PTCD3: variants seen among roughly 807,000 people sequenced by gnomAD.
PTCD3 encodes pentatricopeptide repeat domain 3.
A neutral mutation model predicts 101.9 loss-of-function variants in PTCD3; 89 were observed. That is an observed-to-expected ratio of 0.87 (90% confidence interval 0.74 to 1.04). The LOEUF (loss-of-function observed/expected upper bound fraction) is 1.04, where lower values mean the gene tolerates loss of function less well. Ranked by LOEUF, PTCD3 falls within the 50% of genes least tolerant of loss-of-function variation. The pLI is 0.00. For synonymous variants in PTCD3, 296 were observed against 278.5 expected (o/e 1.06, Z -0.63); for missense variants, 870 against 828.2 (o/e 1.05, Z -0.62).
intron 6 of PTCD3, among the ~76,000 whole-genome samples, chr2:86,117,992 G>T (rs1019150545): frequency 6.6e-6 from 1 of 152,132 alleles, no homozygotes; most frequent in Non-Finnish European, 1.5e-5. Flanking sequence ...GGCCAGGCTG[G>T]TCTTGAACTC....
At chr2:86,133,873 T>C (rs138745846) in intron 19 of PTCD3, among the ~76,000 whole-genome samples, 2 of 152,348 alleles carry the variant, frequency 1.3e-5, no homozygotes, top group East Asian at 3.9e-4. Flanking sequence ...GTGTGTGTCT[T>C]ATGTGTATAA....
chr2:86,107,893 A>G (rs1573845075), intron 1 of PTCD3, among the ~76,000 whole-genome samples: 1 of 152,184 alleles, frequency 6.6e-6, no homozygotes, highest in African/African-American at 2.4e-5. Flanking sequence ...CTTCATTTCA[A>G]ACCAGATTGT....
chr2:86,123,807 T>C (rs368572851), intron 9 of PTCD3, 45 bp downstream of exon 9: 30 of 1,332,678 alleles, frequency 2.3e-5, no homozygotes, highest in South Asian at 5.7e-5. Flanking sequence ...TGTCTTACAG[T>C]GCATGGAATA....
At chr2:86,128,295 T>C (rs1285155783) in intron 14 of PTCD3, among the ~76,000 whole-genome samples, 1 of 147,522 alleles carries the variant, frequency 6.8e-6, no homozygotes, top group Non-Finnish European at 1.5e-5. Context: ...AGGGTCTTAC[T>C]ACCTAAAATT....
chr2:86,112,219 G>T (rs1443614593), intron 4 of PTCD3: 1 of 150,954 alleles, frequency 6.6e-6, no homozygotes, highest in African/African-American at 2.4e-5. Flanking sequence ...GCCACGCCTG[G>T]CTATTTTTTT....
At position 86,125,033 on chromosome 2, in the gene PTCD3, C is replaced by T. The variant is rs369862583; in HGVS notation, c.755C>T (p.Pro252Leu). The T allele has an allele frequency of 6.2e-6, 10 of 1,613,956 alleles. No homozygotes were observed. Among genetic ancestry groups the T allele is most frequent in the Non-Finnish European group, 8.5e-6 (10 of 1,179,998 alleles). The change falls in exon 10 of 24, where the codon CCA (proline) becomes CTA (leucine). Residue 252 changes from proline to leucine, a missense_variant. Coordinates refer to ENST00000254630, the MANE Select transcript of PTCD3 (RefSeq NM_017952.6). ...NNAERIFSLM[P>L]EKNEHSYCTM... ...GCTGAGAGAATCTTTTCTCTAATGCCAGAGAAAAATGAACATTCCTATTGC... is the reference window on the plus strand; with the variant it reads ...GCTGAGAGAATCTTTTCTCTAATGCTAGAGAAAAATGAACATTCCTATTGC...
chr2:86,125,334 C>A, intron 10 of PTCD3, 121 bp from the exon 11 acceptor site: 1 of 1,168,028 alleles, frequency 8.6e-7, no homozygotes, highest in Non-Finnish European at 1.3e-6. Context: ...AGAGTATGAG[C>A]TTCATGAGAA....
At chr2:86,115,968 TAC>T (rs1240006284) in intron 4 of PTCD3, among the ~76,000 whole-genome samples, 1 of 152,168 alleles carries the variant, frequency 6.6e-6, no homozygotes, top group African/African-American at 2.4e-5. Flanking sequence ...AGATGATTCT[TAC>T]CTAGAGTTTA....
At chr2:86,113,136 A>G (rs1674120096) in intron 4 of PTCD3, among the ~76,000 whole-genome samples, 1 of 152,266 alleles carries the variant, frequency 6.6e-6, no homozygotes, top group African/African-American at 2.4e-5. Context: ...AATTATTAAC[A>G]AATGAATTAA....
At chr2:86,125,983 A>C (rs1674377976) in intron 12 of PTCD3, 103 bp downstream of exon 12, 2 of 759,582 alleles carry the variant, frequency 2.6e-6, no homozygotes, top group South Asian at 3.6e-5. Context: ...TAATACCAGC[A>C]CTTTGGGAGG....
At chr2:86,133,101 T>G (rs1359868229) in intron 17 of PTCD3, 77 bp from the exon 18 acceptor site, 1 of 1,535,986 alleles carries the variant, frequency 6.5e-7, no homozygotes, top group African/African-American at 1.4e-5. Context: ...TATAATATGC[T>G]ATAATTTCAA....
At chr2:86,130,215 G>A (rs1452290293) in intron 14 of PTCD3, among the ~76,000 whole-genome samples, 2 of 152,120 alleles carry the variant, frequency 1.3e-5, no homozygotes, top group African/African-American at 2.4e-5. Context: ...CAGGAGAATC[G>A]CTTGAACCCG....
intron 14 of PTCD3, among the ~76,000 whole-genome samples, chr2:86,129,387 C>T (rs1038532771): frequency 1.3e-5 from 2 of 152,214 alleles, no homozygotes; most frequent in African/African-American, 2.4e-5. Context: ...TTTTGGCTTA[C>T]GCCTGTAATC....
At chr2:86,132,469 C>G in intron 17 of PTCD3, 45 bp downstream of exon 17, 1 of 1,385,370 alleles carries the variant, frequency 7.2e-7, no homozygotes, top group Non-Finnish European at 1.0e-6. Flanking sequence ...TTACCAGATT[C>G]TGCAAGTGGG....
At chr2:86,106,493 C>T (rs1469966306) in intron 1 of PTCD3, 142 bp downstream of exon 1, 1 of 728,508 alleles carries the variant, frequency 1.4e-6, no homozygotes, top group South Asian at 1.8e-5. Context: ...AGACCAGGTA[C>T]GCGGAGGTGG....
chr2:86,120,637 G>A (rs1469215036), intron 7 of PTCD3, among the ~76,000 whole-genome samples: 1 of 152,168 alleles, frequency 6.6e-6, no homozygotes, highest in African/African-American at 2.4e-5. Flanking sequence ...GCTCACACCT[G>A]TAATCCCAGC....
At chr2:86,130,888 T>C (rs1674483951) in intron 15 of PTCD3, 151 bp downstream of exon 15, 1 of 1,452,224 alleles carries the variant, frequency 6.9e-7, no homozygotes, top group Admixed American at 2.9e-5. Flanking sequence ...GTATATAGCT[T>C]AGTAATATTT....
intron 12 of PTCD3, among the ~76,000 whole-genome samples, chr2:86,126,531 G>A (rs535427177): frequency 2.6e-5 from 4 of 152,040 alleles, no homozygotes; most frequent in African/African-American, 7.2e-5. Flanking sequence ...ATTGATTCTC[G>A]CCTAGTAACT....
chr2:86,131,437 A>C (rs113409920), intron 16 of PTCD3, among the ~76,000 whole-genome samples: 4,518 of 152,184 alleles, frequency 0.03, 202 homozygotes, highest in African/African-American at 0.099. Context: ...TAGTTTCACC[A>C]TGTTGACCAG....
Sources: allele counts gnomAD v4.1 joint callset (sites outside exome capture counted in the v4.1 genomes callset), GRCh38; gene constraint gnomAD v4.1.1; transcripts MANE v1.5; gene names NCBI Gene and HGNC (gene_info 2026-07-23, HGNC 2026-07-21).